Variants in TRHDE observed in about 807,000 individuals in gnomAD.
The protein encoded by TRHDE is thyrotropin-releasing hormone-degrading ectoenzyme.
Under a neutral mutation model 125.7 loss-of-function variants are expected in TRHDE, and 72 were observed. That is an observed-to-expected ratio of 0.57 (90% CI 0.47 to 0.70). The LOEUF (loss-of-function observed/expected upper bound fraction) is 0.70. TRHDE is among the 30% of genes least tolerant of loss of function. The pLI, the probability that TRHDE is intolerant of heterozygous loss-of-function variation, is 0.00. For missense variants in TRHDE, 1,110 were observed against 1,327.1 expected (o/e 0.84, Z 2.54); for synonymous variants, 509 against 509.1 (o/e 1.00, Z 0.00).
chr12:72,595,043 C>T (rs966544530), intron 12 of TRHDE, among the ~76,000 whole-genome samples: 1 of 140,396 alleles, frequency 7.1e-6, no homozygotes, highest in African/African-American at 2.7e-5. Flanking sequence ...TGTTCTCACT[C>T]ATAGGTGGGA....
intron 15 of TRHDE, among the ~76,000 whole-genome samples, chr12:72,634,143 A>C (rs1176850127): frequency 6.6e-6 from 1 of 152,128 alleles, no homozygotes; most frequent in African/African-American, 2.4e-5. Context: ...AGGAATTATT[A>C]TCCCCATTTT....
chr12:72,199,909 T>C (rs1000948158), intron 2 of TRHDE, among the ~76,000 whole-genome samples: 1 of 152,182 alleles, frequency 6.6e-6, no homozygotes, highest in Non-Finnish European at 1.5e-5. Flanking sequence ...GCTAGCTTGT[T>C]TGAGGTTTCT....
At position 72,669,162 on chromosome 12, in the gene TRHDE, T is replaced by C. The variant is rs1278696848; in HGVS notation, c.*5967T>C. 6.6e-6 allele frequency: 1 copy of C among 151,572 alleles called. No homozygotes were observed. Among genetic ancestry groups the C allele is most frequent in the Admixed American group, 6.6e-5 (1 of 15,174 alleles). The allele number at this position is 151,572 out of a possible 1,614,324, so 9.4% of individuals were successfully genotyped here. On this transcript the variant is annotated 3_prime_UTR_variant, in exon 19 of 19. Coordinates refer to ENST00000261180, the MANE Select transcript of TRHDE (RefSeq NM_013381.3). The stretch of plus-strand genomic sequence containing the variant: ...AAAATAAGTGAAAAGACAGAATAAA[T>C]TGCAAAGGTTTTACGAGTGGACCAC...
intron 2 of TRHDE, among the ~76,000 whole-genome samples, chr12:72,201,548 A>G (rs1364537300): frequency 2.0e-5 from 3 of 152,174 alleles, no homozygotes; most frequent in Non-Finnish European, 4.4e-5. Context: ...GGATCACCTC[A>G]AATACTTGTA....
intron 2 of TRHDE, among the ~76,000 whole-genome samples, chr12:72,203,222 G>A (rs1028841644): frequency 9.9e-5 from 15 of 152,232 alleles, no homozygotes; most frequent in South Asian, 2.1e-4. Flanking sequence ...AGCACTTTGG[G>A]AGGCCAAGGC....
chr12:72,159,970 A>G (rs1876599780), intron 2 of TRHDE, among the ~76,000 whole-genome samples: 1 of 151,784 alleles, frequency 6.6e-6, no homozygotes, highest in African/African-American at 2.4e-5. Context: ...AGTGCTTTAG[A>G]GGTTAGTTAT....
chr12:72,175,761 C>A (rs984045480), intron 2 of TRHDE, among the ~76,000 whole-genome samples: 2 of 152,192 alleles, frequency 1.3e-5, no homozygotes, highest in South Asian at 2.1e-4. Context: ...TAAACAAGAT[C>A]ATGAGTGTGA....
chr12:72,583,527 TAAA>T (rs751596280), intron 12 of TRHDE, among the ~76,000 whole-genome samples: 1 of 152,202 alleles, frequency 6.6e-6, no homozygotes, highest in Non-Finnish European at 1.5e-5. Context: ...TGCAATTATT[TAAA>T]AATTCATATC....
chr12:72,420,889 A>G (rs543126017), intron 3 of TRHDE, among the ~76,000 whole-genome samples: 4 of 152,288 alleles, frequency 2.6e-5, no homozygotes, highest in Admixed American at 2.0e-4. Flanking sequence ...TAGACTTTTC[A>G]TACACATAGC....
At chr12:72,312,192 T>C (rs750121688) in intron 2 of TRHDE, among the ~76,000 whole-genome samples, 1 of 152,148 alleles carries the variant, frequency 6.6e-6, no homozygotes, top group Non-Finnish European at 1.5e-5. Context: ...CCATAGTCAG[T>C]TACCTCACCT....
chr12:72,430,296 T>TATGTATATATGTATATATACATATATAC lies in TRHDE; in HGVS notation c.1316-39452_1316-39451insGTATATATACATATATACATGTATATAT, dbSNP rs1555185540. The stretch of plus-strand genomic sequence containing the variant: ...TATAAAACTGTTGTGTGTGTGTATA[T>TATGTATATATGTATATATACATATATAC]ATGTATATATATGTATATATACATG... On this transcript the variant is annotated intron_variant, in intron 3 of 18. Transcript: ENST00000261180. 8.5e-3 allele frequency among the ~76,000 whole-genome samples: 1,217 copies of TATGTATATATGTATATATACATATATAC among 143,490 alleles called. 25 individuals are homozygous for TATGTATATATGTATATATACATATATAC. The highest frequency in any genetic ancestry group is 0.029 in the African/African-American group (1,135 of 38,994). The allele number at this position is 143,490 out of a possible 152,430, so 94.1% of individuals were successfully genotyped here.
At chr12:72,384,361 G>C (rs1657577040) in intron 3 of TRHDE, among the ~76,000 whole-genome samples, 1 of 152,144 alleles carries the variant, frequency 6.6e-6, no homozygotes, top group Admixed American at 6.5e-5. Context: ...CCCTCAAGGA[G>C]ATTGTGGTTT....
intron 3 of TRHDE, among the ~76,000 whole-genome samples, chr12:72,379,714 TCACAATTGAAC>T (rs1252301692): frequency 4.6e-5 from 7 of 152,216 alleles, no homozygotes; most frequent in African/African-American, 1.7e-4. Context: ...TCTGTTTCAC[TCACAATTGAAC>T]CACGCAGCCT....
At chr12:72,536,510 C>CCATT (rs1214893295) in intron 6 of TRHDE, among the ~76,000 whole-genome samples, 1 of 151,982 alleles carries the variant, frequency 6.6e-6, no homozygotes, top group Non-Finnish European at 1.5e-5. Context: ...TTAGAGTTAT[C>CCATT]CATTGGTGGA....
intron 2 of TRHDE, among the ~76,000 whole-genome samples, chr12:72,172,709 A>G (rs1032959869): frequency 9.2e-5 from 14 of 152,194 alleles, no homozygotes; most frequent in Non-Finnish European, 2.1e-4. Flanking sequence ...TCATAACTAA[A>G]GTTTTCATCA....
chr12:72,340,412 C>A (rs7970424), intron 2 of TRHDE, among the ~76,000 whole-genome samples: 18,875 of 152,126 alleles, frequency 0.12, 1,751 homozygotes, highest in East Asian at 0.46. Context: ...TCCAGTATTA[C>A]CACATTGAGT....
intron 1 of TRHDE, among the ~76,000 whole-genome samples, chr12:72,095,790 C>T (rs1874901222): frequency 6.6e-6 from 1 of 152,138 alleles, no homozygotes; most frequent in Admixed American, 6.5e-5. Context: ...GTCAACTTGG[C>T]TGGACTGCAG....
intron 6 of TRHDE, among the ~76,000 whole-genome samples, chr12:72,521,896 A>G (rs777092715): frequency 6.6e-6 from 1 of 152,180 alleles, no homozygotes; most frequent in Admixed American, 6.5e-5. Context: ...AATGCCTAAA[A>G]ATGTTTTTCC....
At position 72,254,522 on chromosome 12, in the gene TRHDE, C is replaced by G. The variant is rs572470624; in HGVS notation, n.280-123473C>G. The G allele has an allele frequency of 2.0e-5, 3 of 152,330 alleles. No homozygotes were observed. In the East Asian group the frequency reaches 5.8e-4, roughly 29 times the overall value. 9.4% of individuals were successfully genotyped at this position (152,330 alleles called of 1,614,324 possible). A position where few individuals can be genotyped will look rare whatever the true frequency, so the allele number is the denominator to read the frequency against. On this transcript the variant is annotated intron_variant and non_coding_transcript_variant, in intron 2 of 4. Transcript: ENST00000548156. Reference sequence around the variant, plus strand: ...ATTTTCATTATCTATGTTCTACTTACTTGTCCTCTTAGATTAGTATATCCT... The same window carrying G: ...ATTTTCATTATCTATGTTCTACTTAGTTGTCCTCTTAGATTAGTATATCCT...
Sources: allele counts gnomAD v4.1 joint callset (sites outside exome capture counted in the v4.1 genomes callset), GRCh38; gene constraint gnomAD v4.1.1; transcripts MANE v1.5; gene names NCBI Gene and HGNC (gene_info 2026-07-23, HGNC 2026-07-21).